TTLL5: variants seen among roughly 807,000 people sequenced by gnomAD.
The protein encoded by TTLL5 is tubulin tyrosine ligase like 5.
TTLL5 carries 132 observed loss-of-function variants against 168.4 expected under a neutral mutation model. The ratio of observed to expected loss-of-function variants is 0.78; its 90% confidence interval spans 0.68 to 0.91. The LOEUF is 0.91. Ranked by LOEUF, TTLL5 falls within the 40% of genes least tolerant of loss-of-function variation. The pLI, the probability that TTLL5 is intolerant of heterozygous loss-of-function variation, is 0.00. For synonymous variants in TTLL5, 546 were observed against 558.6 expected (o/e 0.98, Z 0.32); for missense variants, 1,545 against 1,581.5 (o/e 0.98, Z 0.39).
intron 30 of TTLL5, among the ~76,000 whole-genome samples, chr14:75,884,347 T>C (rs2031981607): frequency 6.6e-6 from 1 of 152,234 alleles, no homozygotes; most frequent in South Asian, 2.1e-4. Context: ...CCTGTGTGGC[T>C]AGCTGGTGGA....
chr14:75,864,269 C>T (rs1056758832), intron 29 of TTLL5, among the ~76,000 whole-genome samples: 2 of 152,080 alleles, frequency 1.3e-5, no homozygotes, highest in African/African-American at 2.4e-5. Flanking sequence ...GGCATATGTG[C>T]GTGATATTAC....
intron 29 of TTLL5, among the ~76,000 whole-genome samples, chr14:75,874,759 C>T (rs1449602226): frequency 6.6e-6 from 1 of 152,042 alleles, no homozygotes; most frequent in Non-Finnish European, 1.5e-5. Context: ...TGATGTTTAT[C>T]ACAACACTAT....
intron 27 of TTLL5, among the ~76,000 whole-genome samples, chr14:75,817,191 G>T (rs1245668753): frequency 1.3e-5 from 2 of 151,468 alleles, no homozygotes; most frequent in African/African-American, 4.9e-5. Context: ...TGTTGGCCAG[G>T]ATGGTCTCGA....
intron 29 of TTLL5, among the ~76,000 whole-genome samples, chr14:75,868,029 A>G (rs1291873168): frequency 6.6e-6 from 1 of 152,120 alleles, no homozygotes; most frequent in Non-Finnish European, 1.5e-5. Context: ...GTCTGTGAGG[A>G]GGGCTGCACC....
intron 20 of TTLL5, among the ~76,000 whole-genome samples, chr14:75,770,836 G>GT (rs1188647818): frequency 6.6e-6 from 1 of 152,192 alleles, no homozygotes; most frequent in Admixed American, 6.5e-5. Flanking sequence ...GCCAAACTCT[G>GT]TTGGACCTCC....
Position 75,730,056 on chromosome 14 carries a change from G to T in TTLL5, c.1043-2282G>T, listed in dbSNP as rs77004351. 9.1e-3 allele frequency among the ~76,000 whole-genome samples: 1,390 copies of T among 152,236 alleles called. 15 individuals carry two copies. Among genetic ancestry groups the T allele is most frequent in the Non-Finnish European group, 0.012 (845 of 68,020 alleles). On this transcript the variant is annotated intron_variant, in intron 12 of 31. Coordinates refer to ENST00000298832, the MANE Select transcript of TTLL5 (RefSeq NM_015072.5). ...GTGCATCAATTACTATTTTCACCCT[G>T]TTCTTCTTACTTTTAATAATATTAC...
intron 31 of TTLL5, among the ~76,000 whole-genome samples, chr14:75,944,757 G>A (rs1241302660): frequency 6.6e-6 from 1 of 152,168 alleles, no homozygotes; most frequent in Non-Finnish European, 1.5e-5. Flanking sequence ...CAGCACCAGG[G>A]AAAGGCAGTC....
chr14:75,914,648 G>A (rs1178934012), intron 31 of TTLL5, among the ~76,000 whole-genome samples: 6 of 131,296 alleles, frequency 4.6e-5, no homozygotes, highest in South Asian at 2.4e-4. Context: ...TTTTGAGACG[G>A]AGTCTTGCTC....
intron 28 of TTLL5, among the ~76,000 whole-genome samples, chr14:75,841,442 C>T (rs969242921): frequency 1.3e-5 from 2 of 152,172 alleles, no homozygotes; most frequent in African/African-American, 4.8e-5. Context: ...GGTTTCATTA[C>T]CATGACTGTG....
chr14:75,888,707 G>A (rs1030610911), intron 30 of TTLL5, among the ~76,000 whole-genome samples: 4 of 151,828 alleles, frequency 2.6e-5, no homozygotes, highest in African/African-American at 4.8e-5. Flanking sequence ...AGGCCGAGGC[G>A]GGTGGGTCAT....
At chr14:75,717,055 C>T (rs1246316757) in intron 9 of TTLL5, among the ~76,000 whole-genome samples, 2 of 152,042 alleles carry the variant, frequency 1.3e-5, no homozygotes, top group Non-Finnish European at 2.9e-5. Flanking sequence ...TCTAAGCCTA[C>T]ATATAGCTGT....
intron 26 of TTLL5, among the ~76,000 whole-genome samples, chr14:75,786,663 C>T (rs921709740): frequency 7.2e-5 from 11 of 151,928 alleles, no homozygotes; most frequent in Non-Finnish European, 4.4e-5. Flanking sequence ...TTATTTAACT[C>T]TATAGACTTT....
intron 28 of TTLL5, among the ~76,000 whole-genome samples, chr14:75,825,359 C>T (rs1176694355): frequency 6.6e-6 from 1 of 152,088 alleles, no homozygotes; most frequent in Non-Finnish European, 1.5e-5. Context: ...CCTTTCTAGC[C>T]GAGGATGGGA....
chr14:75,674,215 T>A (rs1309704200), intron 3 of TTLL5, among the ~76,000 whole-genome samples: 1 of 152,254 alleles, frequency 6.6e-6, no homozygotes, highest in Non-Finnish European at 1.5e-5. Context: ...GAGTTTTCTG[T>A]ATCTTTCCCA....
intron 6 of TTLL5, among the ~76,000 whole-genome samples, chr14:75,692,981 C>T (rs1389675752): frequency 6.6e-6 from 1 of 151,972 alleles, no homozygotes; most frequent in African/African-American, 2.4e-5. Flanking sequence ...AAAAAAGCAG[C>T]AGCACCGCAG....
chr14:75,752,484 A>T (rs1434325463), intron 17 of TTLL5, among the ~76,000 whole-genome samples: 1 of 152,222 alleles, frequency 6.6e-6, no homozygotes, highest in East Asian at 1.9e-4. Flanking sequence ...GAATAACATG[A>T]TTGAAACAGT....
chr14:75,673,848 A>T (rs1023674878), intron 3 of TTLL5, among the ~76,000 whole-genome samples: 2 of 152,194 alleles, frequency 1.3e-5, no homozygotes, highest in Non-Finnish European at 1.5e-5. Context: ...TTGCCAAGTT[A>T]CCATTTAAAG....
chr14:75,740,893 T>C (rs571142336), intron 15 of TTLL5, among the ~76,000 whole-genome samples: 21 of 152,242 alleles, frequency 1.4e-4, no homozygotes, highest in Non-Finnish European at 2.8e-4. Context: ...GAGATTTTTA[T>C]TCTTTGCATG....
intron 27 of TTLL5, among the ~76,000 whole-genome samples, chr14:75,819,442 CT>C (rs1302973430): frequency 2.6e-5 from 4 of 152,110 alleles, no homozygotes; most frequent in Non-Finnish European, 5.9e-5. Context: ...ATTTGCGTGT[CT>C]TTCTTATAAT....
Sources: gnomAD v4.1 joint callset for allele counts (sites outside exome capture counted in the v4.1 genomes callset) on GRCh38, gnomAD v4.1.1 for gene constraint, MANE v1.5 for transcripts, NCBI Gene and HGNC (gene_info 2026-07-23, HGNC 2026-07-21) for gene names.